Variants in COL25A1 observed in about 807,000 individuals in gnomAD.
COL25A1 encodes collagen type XXV alpha 1 chain.
Under a neutral mutation model 128.4 loss-of-function variants are expected in COL25A1, and 103 were observed. The ratio of observed to expected loss-of-function variants is 0.80; its 90% CI spans 0.68 to 0.94. COL25A1 has a LOEUF of 0.94. COL25A1 is among the 40% of genes least tolerant of loss of function. The pLI, the probability that COL25A1 is intolerant of heterozygous loss-of-function variation, is 0.00. For missense variants in COL25A1, 745 were observed against 840.0 expected (o/e 0.89, Z 1.40); for synonymous variants, 279 against 277.2 (o/e 1.01, Z -0.06).
rs142208492 is a variant in COL25A1 at position 109,221,203 on chromosome 4, T to C, written c.367+79380A>G. 3.6e-4 allele frequency among the ~76,000 whole-genome samples: 54 copies of C among 152,104 alleles called. 1 individual carries two copies. The highest frequency in any genetic ancestry group is 1.3e-3 in the African/African-American group (52 of 41,446). ...TAAGTACTAAACAATATGGGATGAG[T>C]AATTGATAAAATTCTACAGCAAAAA... On this transcript the variant is annotated intron_variant, in intron 3 of 37. Coordinates refer to ENST00000399132, the MANE Select transcript of COL25A1 (RefSeq NM_198721.4).
At chr4:108,846,636 A>G (rs1735146174) in intron 27 of COL25A1, among the ~76,000 whole-genome samples, 1 of 152,088 alleles carries the variant, frequency 6.6e-6, no homozygotes, top group Non-Finnish European at 1.5e-5. Flanking sequence ...ATCTCTACCC[A>G]CTATACTCCC....
At chr4:109,175,928 T>A (rs1230079441) in intron 3 of COL25A1, among the ~76,000 whole-genome samples, 1 of 152,206 alleles carries the variant, frequency 6.6e-6, no homozygotes, top group African/African-American at 2.4e-5. Flanking sequence ...CCAGTAAGAG[T>A]TAAACCTTAA....
chr4:108,968,423 T>G (rs960860680), intron 8 of COL25A1, among the ~76,000 whole-genome samples: 2 of 152,162 alleles, frequency 1.3e-5, no homozygotes, highest in African/African-American at 4.8e-5. Flanking sequence ...TCCAAAGGCT[T>G]TTGAAAGACC....
At chr4:109,165,821 A>G (rs980676178) in intron 3 of COL25A1, among the ~76,000 whole-genome samples, 1 of 152,230 alleles carries the variant, frequency 6.6e-6, no homozygotes, top group African/African-American at 2.4e-5. Flanking sequence ...CTTTTTAAGT[A>G]AATTAAGTGT....
intron 6 of COL25A1, among the ~76,000 whole-genome samples, chr4:108,977,681 A>G (rs927018465): frequency 6.6e-6 from 1 of 152,236 alleles, no homozygotes; most frequent in Admixed American, 6.5e-5. Flanking sequence ...GCAACACTGT[A>G]AGCACTGGGG....
intron 3 of COL25A1, among the ~76,000 whole-genome samples, chr4:109,200,569 T>C (rs1400892516): frequency 6.6e-6 from 1 of 152,154 alleles, no homozygotes; most frequent in Non-Finnish European, 1.5e-5. Context: ...GTGATTCTCC[T>C]GCCTCAGCCT....
chr4:108,829,265 G>A (rs1039513197), intron 32 of COL25A1, among the ~76,000 whole-genome samples: 3 of 152,148 alleles, frequency 2.0e-5, no homozygotes, highest in Non-Finnish European at 4.4e-5. Flanking sequence ...CACTTTAGGA[G>A]TTCAAGGCAG....
At chr4:109,141,698 T>C (rs1487651052) in intron 3 of COL25A1, among the ~76,000 whole-genome samples, 4 of 152,252 alleles carry the variant, frequency 2.6e-5, no homozygotes, top group Non-Finnish European at 5.9e-5. Context: ...CCATTTCTTC[T>C]AGATTTTCTA....
At chr4:109,006,226 G>T (rs948104714) in intron 6 of COL25A1, among the ~76,000 whole-genome samples, 1 of 151,432 alleles carries the variant, frequency 6.6e-6, no homozygotes, top group South Asian at 2.1e-4. Flanking sequence ...ATTTTGTGGG[G>T]GGGTGGCGGG....
intron 3 of COL25A1, among the ~76,000 whole-genome samples, chr4:109,152,879 G>A (rs1356220343): frequency 1.3e-5 from 2 of 152,138 alleles, no homozygotes; most frequent in Non-Finnish European, 2.9e-5. Flanking sequence ...AATCGGGGGA[G>A]TACTGAGGGG....
intron 26 of COL25A1, among the ~76,000 whole-genome samples, chr4:108,849,424 A>C (rs1053450846): frequency 6.6e-6 from 1 of 152,240 alleles, no homozygotes; most frequent in Admixed American, 6.5e-5. Flanking sequence ...GCTATGAATG[A>C]ACTAAAATTT....
rs1413192069 is a variant in COL25A1, at chr4:108,832,374, A to G, written c.1710+6T>C. On this transcript the variant is annotated splice_donor_region_variant and intron_variant, in intron 32 of 37. Coordinates refer to ENST00000399132, the MANE Select transcript of COL25A1 (RefSeq NM_198721.4). Reference sequence around the variant, plus strand: ...TACAAGCTTAATAACCTCAGCAACAACTTACTCTTTCTCCTTTGGGACCTG... The same window carrying G: ...TACAAGCTTAATAACCTCAGCAACAGCTTACTCTTTCTCCTTTGGGACCTG... 1.4e-5 allele frequency: 23 copies of G among 1,606,240 alleles called. No individual in the cohort carries two copies. Among genetic ancestry groups the G allele is most frequent in the Non-Finnish European group, 2.0e-5 (23 of 1,174,938 alleles).
At position 108,824,143 on chromosome 4, in the gene COL25A1, A is replaced by C. The variant is rs1359470173; in HGVS notation, c.1845+31T>G. 3 of 1,613,950 alleles carry C rather than the reference A, an allele frequency of 1.9e-6. No homozygotes were observed. In the African/African-American group the frequency reaches 4.0e-5, roughly 22 times the overall value. The stretch of plus-strand genomic sequence containing the variant: ...AAAGCAGACAGCAGGAGAAGAATCA[A>C]ACAAGGTACATGCTGGGATGGAGAG... On this transcript the variant is annotated intron_variant, in intron 35 of 37. Coordinates refer to ENST00000399132, the MANE Select transcript of COL25A1 (RefSeq NM_198721.4).
chr4:109,172,346 T>A (rs554935436), intron 3 of COL25A1, among the ~76,000 whole-genome samples: 2 of 152,202 alleles, frequency 1.3e-5, no homozygotes, highest in South Asian at 4.2e-4. Flanking sequence ...CGAGGAAGAA[T>A]AAGGTATTTG....
intron 3 of COL25A1, among the ~76,000 whole-genome samples, chr4:109,056,070 A>G (rs993516092): frequency 9.2e-5 from 14 of 152,196 alleles, no homozygotes; most frequent in African/African-American, 3.4e-4. Context: ...ATTTCAGCTT[A>G]CAATAGCCAA....
intron 31 of COL25A1, among the ~76,000 whole-genome samples, chr4:108,835,481 T>C (rs1222371526): frequency 6.6e-6 from 1 of 152,212 alleles, no homozygotes; most frequent in African/African-American, 2.4e-5. Context: ...TACATACATT[T>C]TGAGTATTTT....
In COL25A1 at chr4:108,846,209, C is replaced by G. The variant is rs770052588; in HGVS notation, c.1445G>C (p.Gly482Ala). ...TGGGTCCCCCATGTCTCCCTTTGAG[C>G]CTTTGAGTCCCTAAAAATGATAGAC... ...PGMDGEQGLK[G>A]SKGDMGDPGM... Residue 482 changes from glycine (G) to alanine (A), a missense_variant, in exon 28 of 38, where the codon GGC (glycine) becomes GCC (alanine). Around this residue, in one of 3 missense-constraint regions of COL25A1, gnomAD observed 387 missense variants for 441.9 expected, o/e 0.88. Coordinates refer to ENST00000399132, the MANE Select transcript of COL25A1 (RefSeq NM_198721.4). 1 of 1,608,960 alleles carries G rather than the reference C, an allele frequency of 6.2e-7. No homozygotes were observed. Among genetic ancestry groups the G allele is most frequent in the South Asian group, 1.1e-5 (1 of 90,952 alleles).
intron 3 of COL25A1, among the ~76,000 whole-genome samples, chr4:109,188,930 G>A (rs763240320): frequency 5.9e-5 from 9 of 152,034 alleles, no homozygotes; most frequent in Non-Finnish European, 1.2e-4. Context: ...GTCGGTGGGG[G>A]TAGGGGGCAG....
chr4:108,872,357 A>C (rs1454919109), intron 19 of COL25A1, among the ~76,000 whole-genome samples: 1 of 152,338 alleles, frequency 6.6e-6, no homozygotes, highest in East Asian at 1.9e-4. Context: ...CAGAGGTTAC[A>C]GTGAGCTAAG....
Sources: gnomAD v4.1 joint callset for allele counts (sites outside exome capture counted in the v4.1 genomes callset) on GRCh38, gnomAD v4.1.1 for gene constraint, gnomAD v4.1.1 regional missense constraint, MANE v1.5 for transcripts, NCBI Gene and HGNC (gene_info 2026-07-23, HGNC 2026-07-21) for gene names.